The following NRXN3 variants were observed in gnomAD, a reference collection of about 807,000 sequenced individuals.
The protein encoded by NRXN3 is neurexin 3, also known as neurexin III.
NRXN3 carries 32 observed loss-of-function variants against 137.6 expected under a neutral mutation model. The ratio of observed to expected loss-of-function variants is 0.23; its 90% CI spans 0.18 to 0.31. The LOEUF (loss-of-function observed/expected upper bound fraction) is 0.31, where lower values mean the gene tolerates loss of function less well. Among genes scored for constraint, NRXN3 ranks in the 10% least tolerant of loss-of-function variants. The probability of loss-of-function intolerance (pLI) is 1.00; values close to 1 mark genes in which losing one functional copy is unlikely to be tolerated. For missense variants in NRXN3, 1,574 were observed against 2,062.5 expected, an observed-to-expected ratio of 0.76 and a Z score of 4.59; for synonymous variants, 798 against 784.5, an observed-to-expected ratio of 1.02 and a Z score of -0.29.
intron 4 of NRXN3, among the ~76,000 whole-genome samples, chr14:78,419,970 C>CAA (rs967205680): frequency 3.0e-3 from 117 of 39,384 alleles, no homozygotes; most frequent in African/African-American, 5.3e-3. Flanking sequence ...CGCACACACA[C>CAA]ACACACACAC....
At chr14:79,540,858 T>C (rs2097265272) in intron 16 of NRXN3, among the ~76,000 whole-genome samples, 1 of 152,178 alleles carries the variant, frequency 6.6e-6, no homozygotes, top group African/African-American at 2.4e-5. Flanking sequence ...GTGTCTGAAT[T>C]TTCCAACATG....
At chr14:78,783,198 C>A (rs984889597) in intron 8 of NRXN3, among the ~76,000 whole-genome samples, 18 of 152,142 alleles carry the variant, frequency 1.2e-4, no homozygotes, top group African/African-American at 3.9e-4. Flanking sequence ...TCACCAGGAA[C>A]AAGGCATGGG....
At chr14:79,030,460 C>A (rs1012075114) in intron 15 of NRXN3, among the ~76,000 whole-genome samples, 1 of 151,968 alleles carries the variant, frequency 6.6e-6, no homozygotes, top group Non-Finnish European at 1.5e-5. Context: ...TCCTCTCCAC[C>A]CTCAAGGGCA....
intron 15 of NRXN3, among the ~76,000 whole-genome samples, chr14:79,224,650 T>C (rs1352828535): frequency 1.3e-5 from 2 of 152,130 alleles, no homozygotes; most frequent in African/African-American, 4.8e-5. Flanking sequence ...GTGACCTTAT[T>C]TGGAGGTCAC....
At chr14:78,409,571 C>T (rs532171607) in intron 4 of NRXN3, among the ~76,000 whole-genome samples, 1 of 152,312 alleles carries the variant, frequency 6.6e-6, no homozygotes, top group East Asian at 1.9e-4. Flanking sequence ...TCCCTAACCT[C>T]TTGATATGAA....
chr14:78,173,939 C>A (rs565262867), intron 1 of NRXN3, among the ~76,000 whole-genome samples: 21 of 152,044 alleles, frequency 1.4e-4, no homozygotes, highest in African/African-American at 4.6e-4. Flanking sequence ...TCCTTCCCCC[C>A]ATCTTTGCAT....
intron 1 of NRXN3, among the ~76,000 whole-genome samples, chr14:78,218,018 A>G (rs890393874): frequency 2.6e-5 from 4 of 152,204 alleles, no homozygotes; most frequent in East Asian, 3.9e-4. Context: ...GCATCTTGCT[A>G]TTTTCCTTTC....
chr14:78,225,990 T>G (rs867502302), intron 1 of NRXN3, among the ~76,000 whole-genome samples: 1 of 148,114 alleles, frequency 6.8e-6, no homozygotes, highest in African/African-American at 2.5e-5. Context: ...TGTGTGTGTG[T>G]GTGTGTGTGT....
At chr14:78,457,016 A>G (rs1258523852) in intron 4 of NRXN3, among the ~76,000 whole-genome samples, 2 of 111,010 alleles carry the variant, frequency 1.8e-5, no homozygotes, top group Non-Finnish European at 3.6e-5. Context: ...CCTCCTCCTC[A>G]TCTCCCTTCC....
chr14:78,215,426 C>T (rs990127389), intron 1 of NRXN3, among the ~76,000 whole-genome samples: 14 of 152,108 alleles, frequency 9.2e-5, no homozygotes, highest in Admixed American at 2.0e-4. Flanking sequence ...ATGAACAGGA[C>T]GAGCTCAAAT....
chr14:79,848,375 G>T (rs183129726), intron 20 of NRXN3, among the ~76,000 whole-genome samples: 2 of 152,166 alleles, frequency 1.3e-5, no homozygotes, highest in African/African-American at 4.8e-5. Flanking sequence ...CACACAGGGC[G>T]CATGCAGCCC....
chr14:79,005,759 A>C (rs751370589), intron 15 of NRXN3, among the ~76,000 whole-genome samples: 5 of 151,856 alleles, frequency 3.3e-5, no homozygotes, highest in Non-Finnish European at 7.4e-5. Context: ...ACATGTTTAT[A>C]CATGTTTACC....
At chr14:79,677,155 A>G (rs2098645112) in intron 17 of NRXN3, among the ~76,000 whole-genome samples, 1 of 152,084 alleles carries the variant, frequency 6.6e-6, no homozygotes, top group Admixed American at 6.6e-5. Flanking sequence ...TATTGAAACA[A>G]ATATGATTTT....
chr14:79,777,592 G>A (rs985747393), intron 19 of NRXN3, among the ~76,000 whole-genome samples: 3 of 151,990 alleles, frequency 2.0e-5, no homozygotes, highest in African/African-American at 4.8e-5. Context: ...TTAGACTGAT[G>A]AAGAGATGGA....
chr14:79,398,921 A>T (rs1205294146), intron 15 of NRXN3, among the ~76,000 whole-genome samples: 1 of 148,864 alleles, frequency 6.7e-6, no homozygotes, highest in African/African-American at 2.5e-5. Context: ...GAGGCAGGAG[A>T]ATCACTTGAA....
chr14:79,530,365 A>T (rs1220379714), intron 16 of NRXN3, among the ~76,000 whole-genome samples: 1 of 152,154 alleles, frequency 6.6e-6, no homozygotes. Flanking sequence ...AATTTAAAAA[A>T]TTTTAATTAT....
chr14:79,207,737 C>G (rs1293084168), intron 15 of NRXN3, among the ~76,000 whole-genome samples: 2 of 152,126 alleles, frequency 1.3e-5, no homozygotes, highest in African/African-American at 2.4e-5. Context: ...GGGATTGTTG[C>G]ATAGGCATAA....
intron 8 of NRXN3, among the ~76,000 whole-genome samples, chr14:78,745,928 G>A (rs1480794272): frequency 6.6e-6 from 1 of 152,088 alleles, no homozygotes; most frequent in Non-Finnish European, 1.5e-5. Flanking sequence ...TCCCAAAAAA[G>A]TAAGAATGGC....
intron 4 of NRXN3, among the ~76,000 whole-genome samples, chr14:78,622,429 G>T (rs1379419292): frequency 6.6e-6 from 1 of 152,110 alleles, no homozygotes; most frequent in Non-Finnish European, 1.5e-5. Context: ...TTGTTTGTTT[G>T]TTTTGTTTTG....
Sources: allele counts gnomAD v4.1 joint callset (sites outside exome capture counted in the v4.1 genomes callset), GRCh38; gene constraint gnomAD v4.1.1; transcripts MANE v1.5; gene names NCBI Gene and HGNC (gene_info 2026-07-23, HGNC 2026-07-21).